The following NEK10 variants were observed in gnomAD, a reference collection of about 807,000 sequenced individuals.
NEK10 encodes NIMA related kinase 10, also known as serine/threonine-protein kinase Nek10.
Under a neutral mutation model 159.8 loss-of-function variants are expected in NEK10, and 122 were observed. That is an observed-to-expected ratio of 0.76 (90% CI 0.66 to 0.89). NEK10 has a LOEUF of 0.89. Ranked by LOEUF, NEK10 falls within the 40% of genes least tolerant of loss-of-function variation. The pLI, the probability that NEK10 is intolerant of heterozygous loss-of-function variation, is 0.00. For missense variants in NEK10, 1,342 were observed against 1,323.1 expected, an observed-to-expected ratio of 1.01 and a Z score of -0.22; for synonymous variants, 466 against 457.1, an observed-to-expected ratio of 1.02 and a Z score of -0.25.
Position 27,194,773 on chromosome 3 carries a change from T to C in NEK10, c.2292-2531A>G, listed in dbSNP as rs530170137. The C allele has an allele frequency of 2.6e-5, 4 of 152,118 alleles. No individual in the cohort carries two copies. In the East Asian group the frequency reaches 5.8e-4, roughly 22 times the overall value. 9.4% of individuals were successfully genotyped at this position (152,118 alleles called of 1,614,324 possible). The stretch of plus-strand genomic sequence containing the variant: ...GCAACCAGGCACAGAGAAAGAAAAA[T>C]AAGGCAATGATTTTAATAGAATATT... On this transcript the variant is annotated intron_variant, in intron 25 of 35. Transcript: ENST00000691995.
intron 30 of NEK10, among the ~76,000 whole-genome samples, chr3:27,159,638 C>A (rs139983037): frequency 1.8e-4 from 28 of 151,886 alleles, no homozygotes; most frequent in Non-Finnish European, 3.7e-4. Context: ...GAATTGCAAT[C>A]TATTATTTAA....
intron 35 of NEK10, among the ~76,000 whole-genome samples, chr3:27,114,433 C>A (rs1293601419): frequency 3.3e-5 from 5 of 152,108 alleles, no homozygotes; most frequent in Non-Finnish European, 5.9e-5. Flanking sequence ...AGTTACAAAT[C>A]ACAACAGATC....
intron 2 of NEK10, 73 bp downstream of exon 2, chr3:27,352,739 T>G: frequency 9.4e-7 from 1 of 1,058,560 alleles, no homozygotes. Flanking sequence ...TCTCTATTTC[T>G]CAAAAAGCCA....
At chr3:27,142,826 A>G (rs1943917821) in intron 30 of NEK10, among the ~76,000 whole-genome samples, 1 of 152,216 alleles carries the variant, frequency 6.6e-6, no homozygotes, top group Non-Finnish European at 1.5e-5. Context: ...AAGAAATACT[A>G]CTTTCTTTAC....
chr3:27,256,812 CAT>C (rs943810699), intron 22 of NEK10, among the ~76,000 whole-genome samples: 3 of 151,840 alleles, frequency 2.0e-5, no homozygotes, highest in Non-Finnish European at 2.9e-5. Context: ...ATATCAACAA[CAT>C]ATTCTGATTT....
chr3:27,220,070 A>G (rs1289264999), intron 23 of NEK10, among the ~76,000 whole-genome samples: 1 of 152,208 alleles, frequency 6.6e-6, no homozygotes, highest in Non-Finnish European at 1.5e-5. Flanking sequence ...AAAGTTTTTT[A>G]AAAAAGACCT....
At chr3:27,329,677 A>C (rs1296975447) in intron 5 of NEK10, among the ~76,000 whole-genome samples, 1 of 152,244 alleles carries the variant, frequency 6.6e-6, no homozygotes, top group Non-Finnish European at 1.5e-5. Context: ...TGGTTACCAA[A>C]GTGATACTTT....
chr3:27,111,425 A>G, intron 35 of NEK10, 105 bp from the exon 36 acceptor site: 2 of 840,496 alleles, frequency 2.4e-6, no homozygotes, highest in Non-Finnish European at 3.6e-6. Context: ...AATAAATCAC[A>G]GTAAATAAAA....
intron 22 of NEK10, among the ~76,000 whole-genome samples, chr3:27,264,624 G>A (rs980046495): frequency 7.2e-5 from 11 of 152,154 alleles, no homozygotes; most frequent in African/African-American, 2.7e-4. Context: ...AAGCCTGGTG[G>A]CTCACACCTG....
chr3:27,151,612 A>C (rs1944880968), intron 30 of NEK10, among the ~76,000 whole-genome samples: 1 of 152,160 alleles, frequency 6.6e-6, no homozygotes. Flanking sequence ...AACACCCCCC[A>C]AAAATCACAC....
intron 26 of NEK10, among the ~76,000 whole-genome samples, chr3:27,176,392 T>C (rs1947506073): frequency 6.6e-6 from 1 of 152,190 alleles, no homozygotes; most frequent in South Asian, 2.1e-4. Context: ...TTGGCTAACT[T>C]ACAACCTGAG....
At position 27,106,568 on chromosome 3, in the gene NEK10, GA is replaced by G. The variant is rs1939016197; in HGVS notation, c.*4703del. Among the ~76,000 whole-genome samples the G allele has an allele frequency of 6.6e-6, 1 of 152,202 alleles. No homozygotes were observed. The highest frequency in any genetic ancestry group is 6.5e-5 in the Admixed American group (1 of 15,288). On this transcript the variant is annotated 3_prime_UTR_variant, in exon 36 of 36. Coordinates refer to ENST00000691995, the MANE Select transcript of NEK10 (RefSeq NM_001394966.1). ...CAGAATCTTGACTCAAATGGCACTTGAAATGCAGAGCTAAATCATGGGTTAA... is the reference window on the plus strand; with the variant it reads ...CAGAATCTTGACTCAAATGGCACTTGAATGCAGAGCTAAATCATGGGTTAA...
At chr3:27,116,354 T>A (rs1199191697) in intron 33 of NEK10, among the ~76,000 whole-genome samples, 1 of 152,114 alleles carries the variant, frequency 6.6e-6, no homozygotes, top group Non-Finnish European at 1.5e-5. Flanking sequence ...CAAAATGATA[T>A]ATGAAGATTA....
intron 23 of NEK10, among the ~76,000 whole-genome samples, chr3:27,214,250 C>T (rs540989480): frequency 6.6e-6 from 1 of 152,348 alleles, no homozygotes; most frequent in Non-Finnish European, 1.5e-5. Context: ...TAAAACCAAG[C>T]TGTAACCCAA....
chr3:27,262,620 G>A (rs62258172), intron 22 of NEK10, among the ~76,000 whole-genome samples: 2,412 of 152,172 alleles, frequency 0.016, 42 homozygotes, highest in Non-Finnish European at 0.025. Flanking sequence ...CCAGTTGATC[G>A]AATCGGCTAC....
chr3:27,255,934 G>C (rs1956123813), intron 23 of NEK10, among the ~76,000 whole-genome samples: 1 of 152,100 alleles, frequency 6.6e-6, no homozygotes, highest in Admixed American at 6.5e-5. Context: ...ATACATACAA[G>C]AGGGTACAAT....
At chr3:27,316,007 G>A (rs1411146527) in intron 6 of NEK10, among the ~76,000 whole-genome samples, 1 of 152,198 alleles carries the variant, frequency 6.6e-6, no homozygotes, top group Non-Finnish European at 1.5e-5. Context: ...ATCAAGACAT[G>A]CTGTAATTCC....
chr3:27,322,656 C>T (rs950922018), intron 5 of NEK10, among the ~76,000 whole-genome samples: 9 of 152,168 alleles, frequency 5.9e-5, no homozygotes, highest in Non-Finnish European at 1.0e-4. Context: ...ATTTTCATAA[C>T]CACACTTACT....
At chr3:27,210,892 A>G (rs922779477) in intron 23 of NEK10, among the ~76,000 whole-genome samples, 1 of 152,212 alleles carries the variant, frequency 6.6e-6, no homozygotes, top group Non-Finnish European at 1.5e-5. Context: ...TGTCCTTTTT[A>G]TGAAAGAGTG....
Sources: allele counts gnomAD v4.1 joint callset (sites outside exome capture counted in the v4.1 genomes callset), GRCh38; gene constraint gnomAD v4.1.1; transcripts MANE v1.5; gene names NCBI Gene and HGNC (gene_info 2026-07-23, HGNC 2026-07-21).